PEBP4: variants seen among roughly 807,000 people sequenced by gnomAD.
PEBP4 encodes phosphatidylethanolamine-binding protein 4.
Under a neutral mutation model 23.9 loss-of-function variants are expected in PEBP4, and 22 were observed. That is an observed-to-expected ratio of 0.92 (90% CI 0.66 to 1.31). PEBP4 has a LOEUF of 1.31. PEBP4 is among the 40% of genes most tolerant of loss of function. PEBP4 has a pLI of 0.00. For synonymous variants in PEBP4, 112 were observed against 99.3 expected (o/e 1.13, Z -0.76); for missense variants, 324 against 281.7 (o/e 1.15, Z -1.07).
At chr8:22,802,790 G>A (rs1379370706) in intron 4 of PEBP4, among the ~76,000 whole-genome samples, 1 of 152,186 alleles carries the variant, frequency 6.6e-6, no homozygotes, top group African/African-American at 2.4e-5. Flanking sequence ...TGTGTTGTGC[G>A]TACGAACATT....
intron 3 of PEBP4, among the ~76,000 whole-genome samples, chr8:22,904,084 G>C (rs28498602): frequency 0.17 from 26,200 of 152,208 alleles, 2,387 homozygotes; most frequent in Middle Eastern, 0.21. Context: ...TAGATGCCAG[G>C]CTGAGAGTGG....
In PEBP4 at chr8:22,809,880, C is replaced by T. The variant is rs111644699; in HGVS notation, c.357+7757G>A. Among the ~76,000 whole-genome samples the T allele has an allele frequency of 4.9e-3, 742 of 152,350 alleles. 4 individuals are homozygous for T. Among genetic ancestry groups the T allele is most frequent in the African/African-American group, 0.017 (698 of 41,580 alleles). On this transcript the variant is annotated intron_variant, in intron 4 of 6. Coordinates refer to ENST00000256404, the MANE Select transcript of PEBP4 (RefSeq NM_144962.3). ...CCAGGTGGAGACACTGTGGGAGATG[C>T]CAAGGGGCACACCTTACAGGTCACC...
rs1585261583 is a variant in PEBP4 at position 22,766,539 on chromosome 8, G to C, written c.358-39319C>G. Among the ~76,000 whole-genome samples, 4 of 152,322 alleles carry C rather than the reference G, an allele frequency of 2.6e-5. No individual in the cohort carries two copies. The South Asian group carries it at 8.3e-4, about 32-fold the overall frequency. ...GTGTATCAGGAAGCTGGCCCTTCAG[G>C]GACAGGAACACCTGTGCACCACATC... On this transcript the variant is annotated intron_variant, in intron 4 of 6. Coordinates refer to ENST00000256404, the MANE Select transcript of PEBP4 (RefSeq NM_144962.3).
At chr8:22,828,740 A>G (rs763352909) in intron 3 of PEBP4, among the ~76,000 whole-genome samples, 2 of 151,902 alleles carry the variant, frequency 1.3e-5, no homozygotes, top group Non-Finnish European at 2.9e-5. Context: ...CCTGCTCCCA[A>G]TCTCCTTCGT....
intron 4 of PEBP4, among the ~76,000 whole-genome samples, chr8:22,774,919 G>A (rs137937968): frequency 8.9e-4 from 135 of 152,050 alleles, no homozygotes; most frequent in African/African-American, 2.7e-3. Flanking sequence ...CTGTCCTCCC[G>A]TGCCCTCCAG....
chr8:22,908,365 AAAAC>A lies in PEBP4; in HGVS notation c.258+11815_258+11818del, dbSNP rs752092032. 8.3e-3 allele frequency among the ~76,000 whole-genome samples: 1,253 copies of A among 150,650 alleles called. 10 individuals are homozygous for A. The highest frequency in any genetic ancestry group is 0.025 in the African/African-American group (1,003 of 40,820). On this transcript the variant is annotated intron_variant, in intron 3 of 6. Coordinates refer to ENST00000256404, the MANE Select transcript of PEBP4 (RefSeq NM_144962.3). ...AGTGTGGGTCATGGAGGCCAAGGGG[AAAAC>A]AAACAAACAAACAAACAAACAAACA...
chr8:22,791,758 G>A (rs1441867718), intron 4 of PEBP4, among the ~76,000 whole-genome samples: 3 of 152,170 alleles, frequency 2.0e-5, no homozygotes, highest in African/African-American at 7.2e-5. Context: ...CATTTAATAA[G>A]CACTTACTCT....
At chr8:22,830,618 C>G (rs981474269) in intron 3 of PEBP4, among the ~76,000 whole-genome samples, 2 of 152,212 alleles carry the variant, frequency 1.3e-5, no homozygotes, top group African/African-American at 4.8e-5. Flanking sequence ...TGTCCAACAA[C>G]ATTGCCTGGT....
rs1480016790 is a variant in PEBP4 at position 22,920,385 on chromosome 8, C to G, written c.132-75G>C. The G allele has an allele frequency of 6.1e-6, 9 of 1,486,114 alleles. No homozygotes were observed. In the South Asian group the frequency reaches 1.1e-4, roughly 19 times the overall value. 92.1% of individuals were successfully genotyped at this position (1,486,114 alleles called of 1,614,324 possible). Reference sequence around the variant, plus strand: ...TGGGGTTCCCAAGGCTTCAGTCTAGCACTATTGGGAATGTAAAGTGAAATG... The same window carrying G: ...TGGGGTTCCCAAGGCTTCAGTCTAGGACTATTGGGAATGTAAAGTGAAATG... On this transcript the variant is annotated intron_variant, in intron 2 of 6. Coordinates refer to ENST00000256404, the MANE Select transcript of PEBP4 (RefSeq NM_144962.3).
rs548056730 is a variant in PEBP4, at chr8:22,856,717, A to C, written c.259-38982T>G. ...GGCAATAGAGGGAAACTGTCTCTAA[A>C]TAAATAAATAAATAAATAAATATAT... On this transcript the variant is annotated intron_variant, in intron 3 of 6. Coordinates refer to ENST00000256404, the MANE Select transcript of PEBP4 (RefSeq NM_144962.3). 2.0e-5 allele frequency among the ~76,000 whole-genome samples: 3 copies of C among 150,838 alleles called. No homozygotes were observed. In the East Asian group the frequency reaches 5.8e-4, roughly 29 times the overall value.
At chr8:22,757,146 T>G (rs1805400631) in intron 4 of PEBP4, 1 of 152,222 alleles carries the variant, frequency 6.6e-6, no homozygotes, top group African/African-American at 2.4e-5. Flanking sequence ...GGTTCATCTT[T>G]TAAAATCCTT....
At chr8:22,737,870 C>T (rs368000249) in intron 4 of PEBP4, among the ~76,000 whole-genome samples, 1 of 152,118 alleles carries the variant, frequency 6.6e-6, no homozygotes, top group South Asian at 2.1e-4. Flanking sequence ...AGTCCCGCAG[C>T]GCCGTCCAAG....
chr8:22,866,543 T>G (rs1283368371), intron 3 of PEBP4, among the ~76,000 whole-genome samples: 3 of 152,164 alleles, frequency 2.0e-5, no homozygotes, highest in Non-Finnish European at 4.4e-5. Context: ...GCCACCAGGA[T>G]TTGAACCCAG....
intron 3 of PEBP4, among the ~76,000 whole-genome samples, chr8:22,897,503 G>C (rs1808612201): frequency 6.6e-6 from 1 of 152,084 alleles, no homozygotes; most frequent in Non-Finnish European, 1.5e-5. Flanking sequence ...TCTGGTTTTA[G>C]TATGTGTAAA....
At chr8:22,938,479 A>G (rs1809568876) in intron 1 of PEBP4, among the ~76,000 whole-genome samples, 1 of 151,944 alleles carries the variant, frequency 6.6e-6, no homozygotes, top group African/African-American at 2.4e-5. Context: ...TTCCACCAGG[A>G]CAGTATAATA....
intron 4 of PEBP4, among the ~76,000 whole-genome samples, chr8:22,781,010 C>G (rs1805902904): frequency 6.6e-6 from 1 of 152,232 alleles, no homozygotes; most frequent in African/African-American, 2.4e-5. Flanking sequence ...CTTGTGAAGA[C>G]AGCGCAGTTA....
chr8:22,740,388 A>G (rs1804963528), intron 4 of PEBP4, among the ~76,000 whole-genome samples: 1 of 152,210 alleles, frequency 6.6e-6, no homozygotes, highest in Non-Finnish European at 1.5e-5. Flanking sequence ...GAGCAGCAGC[A>G]GTGTGCCCTG....
chr8:22,753,785 C>A (rs1011347730), intron 4 of PEBP4, among the ~76,000 whole-genome samples: 1 of 152,210 alleles, frequency 6.6e-6, no homozygotes, highest in Non-Finnish European at 1.5e-5. Flanking sequence ...CAGGACCAGA[C>A]TTCCCCGCCC....
chr8:22,897,311 C>T (rs529746756), intron 3 of PEBP4, among the ~76,000 whole-genome samples: 103 of 152,064 alleles, frequency 6.8e-4, no homozygotes, highest in African/African-American at 2.4e-3. Context: ...GGATGTGATG[C>T]GTTCAGAAGC....
Sources: allele counts gnomAD v4.1 joint callset (sites outside exome capture counted in the v4.1 genomes callset), GRCh38; gene constraint gnomAD v4.1.1; transcripts MANE v1.5; gene names NCBI Gene and HGNC (gene_info 2026-07-23, HGNC 2026-07-21).